Variants in PRKG2 observed in about 807,000 individuals in gnomAD.
The protein encoded by PRKG2 is protein kinase cGMP-dependent 2.
Under a neutral mutation model 97.2 loss-of-function variants are expected in PRKG2, and 33 were observed. That is an observed-to-expected ratio of 0.34 (90% CI 0.26 to 0.45). The LOEUF is 0.45. Among genes scored for constraint, PRKG2 ranks in the 20% least tolerant of loss-of-function variants. PRKG2 has a pLI of 1.00. For missense variants in PRKG2, 638 were observed against 900.0 expected, an observed-to-expected ratio of 0.71 and a Z score of 3.73; for synonymous variants, 330 against 321.8, an observed-to-expected ratio of 1.03 and a Z score of -0.27.
At chr4:81,135,747 AATC>A (rs1457295788) in intron 13 of PRKG2, among the ~76,000 whole-genome samples, 1 of 151,962 alleles carries the variant, frequency 6.6e-6, no homozygotes, top group Non-Finnish European at 1.5e-5. Context: ...GTAAAAATGG[AATC>A]ATAAGTCTTT....
chr4:81,123,348 G>A (rs1021344969), intron 14 of PRKG2, among the ~76,000 whole-genome samples: 2 of 152,062 alleles, frequency 1.3e-5, no homozygotes, highest in Non-Finnish European at 2.9e-5. Context: ...TCTAACCTTT[G>A]TGCATCCTCA....
intron 17 of PRKG2, among the ~76,000 whole-genome samples, chr4:81,100,064 G>A (rs1742566464): frequency 6.6e-6 from 1 of 151,602 alleles, no homozygotes; most frequent in African/African-American, 2.4e-5. Context: ...AAATAAAAGA[G>A]GATACAAACA....
intron 2 of PRKG2, among the ~76,000 whole-genome samples, chr4:81,197,962 T>C (rs1270063119): frequency 2.0e-5 from 3 of 152,210 alleles, no homozygotes; most frequent in African/African-American, 7.2e-5. Context: ...GGCTAGGTAC[T>C]GGGTCCAAAA....
At chr4:81,177,722 C>A (rs1244640807) in intron 2 of PRKG2, among the ~76,000 whole-genome samples, 1 of 151,992 alleles carries the variant, frequency 6.6e-6, no homozygotes, top group Non-Finnish European at 1.5e-5. Flanking sequence ...ATAAACTTTG[C>A]AACTCTTTCT....
At chr4:81,138,339 T>A (rs1578404267) in intron 12 of PRKG2, among the ~76,000 whole-genome samples, 1 of 151,932 alleles carries the variant, frequency 6.6e-6, no homozygotes, top group Non-Finnish European at 1.5e-5. Flanking sequence ...TAGCACCACA[T>A]CCAGACCAAA....
At chr4:81,181,065 A>G (rs1751368774) in intron 2 of PRKG2, among the ~76,000 whole-genome samples, 1 of 144,310 alleles carries the variant, frequency 6.9e-6, no homozygotes, top group South Asian at 2.2e-4. Flanking sequence ...AGTCCCACCT[A>G]TGAGTGAGAA....
chr4:81,140,630 A>G lies in PRKG2; in HGVS notation c.1447T>C (p.Cys483Arg). ...KNENVAFAMKCIRKKHIVDTK... is the reference protein window; with the variant it reads ...KNENVAFAMKRIRKKHIVDTK... ...TCAACTATGTGCTTCTTCCTTATAC[A>G]CTTCATAGCAAAAGCAACATTCTCA... Residue 483 changes from cysteine (C) to arginine (R), a missense_variant, in exon 12 of 19, where the codon TGT (cysteine) becomes CGT (arginine). By Grantham distance (180) the Cys-to-Arg change is radical. Coordinates refer to ENST00000264399, the MANE Select transcript of PRKG2 (RefSeq NM_006259.3). The G allele has an allele frequency of 6.2e-7, 1 of 1,610,322 alleles. No homozygotes were observed. The highest frequency in any genetic ancestry group is 8.5e-7 in the Non-Finnish European group (1 of 1,177,140).
chr4:81,217,093 A>C (rs944379492), upstream of PRKG2, among the ~76,000 whole-genome samples: 1 of 145,640 alleles, frequency 6.9e-6, no homozygotes, highest in African/African-American at 2.6e-5. Flanking sequence ...TATAAATCCA[A>C]TCACCCCTTA....
chr4:81,146,462 A>C (rs1747868929), intron 9 of PRKG2, among the ~76,000 whole-genome samples: 2 of 152,214 alleles, frequency 1.3e-5, no homozygotes, highest in South Asian at 2.1e-4. Flanking sequence ...GCCATACAAA[A>C]GGGTTATTTC....
rs772010292 is a variant in PRKG2 at position 81,132,426 on chromosome 4, T to C, written c.1776+2729A>G. On this transcript the variant is annotated intron_variant, in intron 14 of 18. Coordinates refer to ENST00000264399, the MANE Select transcript of PRKG2 (RefSeq NM_006259.3). ...CTAAGACCTCTATTACAATGTTAAATACAAGTGATAAGAGGAGATATTTTT... is the reference window on the plus strand; with the variant it reads ...CTAAGACCTCTATTACAATGTTAAACACAAGTGATAAGAGGAGATATTTTT... Among the ~76,000 whole-genome samples, 6 of 152,322 alleles carry C rather than the reference T, an allele frequency of 3.9e-5. No individual in the cohort carries two copies. The East Asian group carries it at 1.2e-3, about 29-fold the overall frequency.
Position 81,133,856 on chromosome 4 carries a change from T to TA in PRKG2, c.1776+1298_1776+1299insT, listed in dbSNP as rs1180242409. 3.8e-4 allele frequency among the ~76,000 whole-genome samples: 56 copies of TA among 145,610 alleles called. 1 individual carries two copies. In the East Asian group the frequency reaches 4.1e-3, roughly 11 times the overall value. On this transcript the variant is annotated intron_variant, in intron 14 of 18. Coordinates refer to ENST00000264399, the MANE Select transcript of PRKG2 (RefSeq NM_006259.3). ...ATGTGAAATATATAGCTATTTTTTT[T>TA]TAAAAATAGCTTTTTAAGAAAAATC...
At chr4:81,141,067 G>A (rs558730965) in intron 11 of PRKG2, among the ~76,000 whole-genome samples, 68 of 152,008 alleles carry the variant, frequency 4.5e-4, no homozygotes, top group Admixed American at 1.7e-3. Context: ...CCAGAATGCA[G>A]TGGTGCAATC....
At chr4:81,100,580 CT>C (rs1414234634) in intron 17 of PRKG2, among the ~76,000 whole-genome samples, 1 of 152,164 alleles carries the variant, frequency 6.6e-6, no homozygotes, top group African/African-American at 2.4e-5. Context: ...GGATTAAAGA[CT>C]TAAACGTTAG....
chr4:81,151,862 A>G, intron 8 of PRKG2, 98 bp downstream of exon 8: 1 of 927,912 alleles, frequency 1.1e-6, no homozygotes, highest in Non-Finnish European at 1.7e-6. Flanking sequence ...ATTTGTTGCC[A>G]TTAACTTGGT....
At chr4:81,182,470 G>A (rs1256329771) in intron 2 of PRKG2, among the ~76,000 whole-genome samples, 1 of 151,928 alleles carries the variant, frequency 6.6e-6, no homozygotes, top group Non-Finnish European at 1.5e-5. Context: ...GTGAAACATT[G>A]AAAGCTTTCC....
In PRKG2 at chr4:81,153,729, G is replaced by C; in HGVS notation, c.913-8C>G. 6.3e-7 allele frequency: 1 copy of C among 1,588,596 alleles called. No homozygotes were observed. The highest frequency in any genetic ancestry group is 8.6e-7 in the Non-Finnish European group (1 of 1,157,282). ...TCCTTTGTCATAGTATTCCTGTTGGGATGAGAGAGAAAGAAAATGTAAGAG... is the reference window on the plus strand; with the variant it reads ...TCCTTTGTCATAGTATTCCTGTTGGCATGAGAGAGAAAGAAAATGTAAGAG... On this transcript the variant is annotated splice_region_variant and splice_polypyrimidine_tract_variant and intron_variant, in intron 6 of 18. Transcript: ENST00000264399.
Position 81,099,513 on chromosome 4 carries a change from C to T in PRKG2, c.2126+4857G>A, listed in dbSNP as rs535365498. On this transcript the variant is annotated intron_variant, in intron 17 of 18. Coordinates refer to ENST00000264399, the MANE Select transcript of PRKG2 (RefSeq NM_006259.3). ...AAAGGCCTTTGACAAAATTCAACAA[C>T]GCTTCATGCTAAAAACTCTCAATAA... Among the ~76,000 whole-genome samples the T allele has an allele frequency of 1.4e-4, 21 of 152,248 alleles. No individual in the cohort carries two copies. In the South Asian group the frequency reaches 1.7e-3, roughly 12 times the overall value.
intron 17 of PRKG2, among the ~76,000 whole-genome samples, chr4:81,100,849 T>A (rs1303219189): frequency 6.6e-6 from 1 of 151,990 alleles, no homozygotes; most frequent in African/African-American, 2.4e-5. Context: ...GAATCTACAA[T>A]GAACTCAAAC....
At chr4:81,153,291 G>C in intron 7 of PRKG2, 1 of 165,962 alleles carries the variant, frequency 6.0e-6, no homozygotes, top group Non-Finnish European at 1.3e-5. Context: ...TATTGGATAA[G>C]AAAATATTCT....
Sources: allele counts gnomAD v4.1 joint callset (sites outside exome capture counted in the v4.1 genomes callset), GRCh38; gene constraint gnomAD v4.1.1; transcripts MANE v1.5; gene names NCBI Gene and HGNC (gene_info 2026-07-23, HGNC 2026-07-21).